DHRS1: variants seen among roughly 807,000 people sequenced by gnomAD.
The protein encoded by DHRS1 is dehydrogenase/reductase SDR family member 1.
A neutral mutation model predicts 35.2 loss-of-function variants in DHRS1; 34 were observed. The ratio of observed to expected loss-of-function variants is 0.97; its 90% CI spans 0.74 to 1.29. DHRS1 has a LOEUF of 1.29. Ranked by LOEUF, DHRS1 falls within the 50% of genes most tolerant of loss-of-function variation. The pLI is 0.00. For synonymous variants in DHRS1, 133 were observed against 160.0 expected (o/e 0.83, Z 1.27); for missense variants, 354 against 403.6 (o/e 0.88, Z 1.05).
intron 4 of DHRS1, chr14:24,294,054 C>A (rs548567574): frequency 1.1e-4 from 16 of 152,134 alleles, no homozygotes; most frequent in Admixed American, 1.0e-3. Flanking sequence ...TGGGTCTCTG[C>A]CTCGTTTATT....
At chr14:24,296,218 AGAG>A in intron 4 of DHRS1, among the ~76,000 whole-genome samples, 1 of 152,328 alleles carries the variant, frequency 6.6e-6, no homozygotes, top group East Asian at 1.9e-4. Flanking sequence ...CGCATTACTG[AGAG>A]GAGGAGGCTT....
At chr14:24,299,219 G>T in intron 1 of DHRS1, 89 bp from the exon 2 acceptor site, 1 of 1,271,574 alleles carries the variant, frequency 7.9e-7, no homozygotes, top group Non-Finnish European at 1.1e-6. Context: ...ACCTCACTAG[G>T]GCTAAGAGGA....
In DHRS1 at chr14:24,298,971, C is replaced by T. The variant is rs752178395; in HGVS notation, c.136G>A (p.Val46Ile). 39 of 1,611,378 alleles carry T rather than the reference C, an allele frequency of 2.4e-5. No individual in the cohort carries two copies. The highest frequency in any genetic ancestry group is 3.3e-5 in the Non-Finnish European group (39 of 1,177,880). Residue 46 changes from valine (V) to isoleucine (I), a missense_variant, in exon 2 of 9, where the codon GTT (valine) becomes ATT (isoleucine). Transcript: ENST00000288111. ...GAAGCACTCACCTCCTGAGCAACAA[C>T]GCGAAGGGTGTCCAGATGGCGGCCA... Reference protein sequence around the residue: ...ITGRHLDTLRVVAQEAQSLGG... With the variant: ...ITGRHLDTLRIVAQEAQSLGG...
chr14:24,297,476 A>C (rs2041270565), intron 2 of DHRS1, among the ~76,000 whole-genome samples: 1 of 152,204 alleles, frequency 6.6e-6, no homozygotes, highest in South Asian at 2.1e-4. Context: ...CCTATTCTCC[A>C]AATTTATGCT....
intron 4 of DHRS1, among the ~76,000 whole-genome samples, chr14:24,296,238 T>A (rs1594608863): frequency 6.6e-6 from 1 of 152,348 alleles, no homozygotes; most frequent in East Asian, 1.9e-4. Flanking sequence ...GCTTCCTCCC[T>A]TCTGGGTCTT....
chr14:24,299,205 G>A, intron 1 of DHRS1, 75 bp from the exon 2 acceptor site: 2 of 1,391,514 alleles, frequency 1.4e-6, no homozygotes. Context: ...GGGGGTAGGG[G>A]AGAACCTCAC....
intron 4 of DHRS1, chr14:24,293,030 C>A: frequency 2.1e-6 from 1 of 477,274 alleles, no homozygotes; most frequent in Admixed American, 4.0e-5. Flanking sequence ...AGAGCCCTGT[C>A]ACAATAACAA....
intron 2 of DHRS1, among the ~76,000 whole-genome samples, chr14:24,297,398 ACTCT>A (rs2041268957): frequency 6.6e-6 from 1 of 152,044 alleles, no homozygotes; most frequent in Non-Finnish European, 1.5e-5. Flanking sequence ...GTTCTGTCTC[ACTCT>A]CTACAAATGC....
rs1178236911 is a variant in DHRS1 at position 24,290,840 on chromosome 14, T to C, written c.*19A>G. On this transcript the variant is annotated 3_prime_UTR_variant, in exon 9 of 9. Coordinates refer to ENST00000288111, the MANE Select transcript of DHRS1 (RefSeq NM_001136050.3). ...CCAAATGAGAAGACAAGCAGAGACG[T>C]AGTGTCAGACCAGGAGGGTTAGAAC... is the stretch of plus-strand genomic sequence containing the variant. 3.1e-6 allele frequency: 5 copies of C among 1,612,986 alleles called. No homozygotes were observed. Among genetic ancestry groups the C allele is most frequent in the African/African-American group, 1.3e-5 (1 of 74,670 alleles).
In DHRS1 at chr14:24,299,029, C is replaced by G. The variant is rs11550019; in HGVS notation, c.78G>C (p.Gln26His). The G allele has an allele frequency of 3.1e-6, 5 of 1,614,118 alleles. 1 individual carries two copies. The South Asian group carries it at 4.4e-5, about 14-fold the overall frequency. ...AAACTGTGGCGCCTGCTTTGCAGAG[C>G]TGCAAGGCAATGCCACGGCCAATAC... ...SRGIGRGIALQLCKAGATVYI... is the reference protein window; with the variant it reads ...SRGIGRGIALHLCKAGATVYI... The change falls in exon 2 of 9, where the codon CAG (glutamine) becomes CAC (histidine). Residue 26 changes from glutamine to histidine, a missense_variant. Gln to His is a conservative substitution (Grantham distance 24). Coordinates refer to ENST00000288111, the MANE Select transcript of DHRS1 (RefSeq NM_001136050.3).
chr14:24,291,929 G>C, intron 6 of DHRS1: 1 of 605,870 alleles, frequency 1.7e-6, no homozygotes, highest in Non-Finnish European at 2.9e-6. Context: ...ATGGTCTTTG[G>C]AGCTAGACAG....
rs191910690 is a variant in DHRS1, at chr14:24,297,115, A to G, written c.151-234T>C. Among the ~76,000 whole-genome samples the G allele has an allele frequency of 2.0e-5, 3 of 152,348 alleles. No homozygotes were observed. The East Asian group carries it at 5.8e-4, about 29-fold the overall frequency. ...ATTGCAATGTAAGTTTTAATAATCTACAAACATTTACTGAGGCCCACCATG... is the reference window on the plus strand; with the variant it reads ...ATTGCAATGTAAGTTTTAATAATCTGCAAACATTTACTGAGGCCCACCATG... On this transcript the variant is annotated intron_variant, in intron 2 of 8. Coordinates refer to ENST00000288111, the MANE Select transcript of DHRS1 (RefSeq NM_001136050.3).
At chr14:24,296,422 A>C in intron 4 of DHRS1, 87 bp downstream of exon 4, 1 of 1,302,982 alleles carries the variant, frequency 7.7e-7, no homozygotes, top group Non-Finnish European at 1.1e-6. Flanking sequence ...GGCCGGAGGG[A>C]AAAGGAGAGG....
chr14:24,291,255 G>A (rs974010205), intron 7 of DHRS1, 36 bp from the exon 8 acceptor site: 2 of 1,604,656 alleles, frequency 1.2e-6, no homozygotes, highest in Non-Finnish European at 1.7e-6. Context: ...TGGCAGGCAG[G>A]GGAGTATGCA....
intron 2 of DHRS1, 110 bp from the exon 3 acceptor site, chr14:24,296,991 G>C: frequency 6.8e-7 from 1 of 1,476,050 alleles, no homozygotes; most frequent in African/African-American, 1.4e-5. Context: ...AATCCTAGGA[G>C]AGCCTGCTGC....
intron 2 of DHRS1, among the ~76,000 whole-genome samples, chr14:24,297,405 A>G (rs2041269089): frequency 6.6e-6 from 1 of 152,196 alleles, no homozygotes; most frequent in Non-Finnish European, 1.5e-5. Flanking sequence ...CTCACTCTCT[A>G]CAAATGCCCA....
chr14:24,292,156 C>T (rs1367361282), intron 6 of DHRS1, 28 bp downstream of exon 6: 2 of 1,613,972 alleles, frequency 1.2e-6, no homozygotes, highest in Non-Finnish European at 1.7e-6. Context: ...CCCCTGTTCT[C>T]TGCTTCCTTC....
intron 2 of DHRS1, among the ~76,000 whole-genome samples, chr14:24,297,521 T>C (rs2041271829): frequency 6.6e-6 from 1 of 152,230 alleles, no homozygotes; most frequent in Admixed American, 6.5e-5. Flanking sequence ...TTGCCTGAAC[T>C]ACTGCAATGC....
At chr14:24,298,859 GTAT>G (rs2041311053) in intron 2 of DHRS1, 95 bp downstream of exon 2, 1 of 1,318,634 alleles carries the variant, frequency 7.6e-7, no homozygotes, top group East Asian at 2.4e-5. Context: ...TTGTTGAGTA[GTAT>G]TATAGTTTCA....
Sources: gnomAD v4.1 joint callset for allele counts (sites outside exome capture counted in the v4.1 genomes callset) on GRCh38, gnomAD v4.1.1 for gene constraint, MANE v1.5 for transcripts, NCBI Gene and HGNC (gene_info 2026-07-23, HGNC 2026-07-21) for gene names.